FRRS1: variants seen among roughly 807,000 people sequenced by gnomAD.
The protein encoded by FRRS1 is ferric reductase 1.
Under a neutral mutation model 70.7 loss-of-function variants are expected in FRRS1, and 51 were observed. The observed-to-expected ratio is 0.72, with a 90% CI of 0.58 to 0.91. The LOEUF (loss-of-function observed/expected upper bound fraction) is 0.91. FRRS1 is among the 40% of genes least tolerant of loss of function. FRRS1 has a pLI of 0.00. For synonymous variants in FRRS1, 225 were observed against 238.7 expected, an observed-to-expected ratio of 0.94 and a Z score of 0.53; for missense variants, 672 against 726.0, an observed-to-expected ratio of 0.93 and a Z score of 0.86.
At chr1:99,738,041 G>A (rs7513916) in intron 7 of FRRS1, 45 bp downstream of exon 7, 530,214 of 1,485,970 alleles carry the variant, frequency 0.36, 107,199 homozygotes, top group African/African-American at 0.85. Context: ...ATGCCTAGCC[G>A]TGATTCTCCT....
chr1:99,731,922 A>G (rs187678085), intron 7 of FRRS1, among the ~76,000 whole-genome samples: 19 of 152,276 alleles, frequency 1.2e-4, no homozygotes, highest in Admixed American at 1.2e-3. Flanking sequence ...TGCCTCAGCC[A>G]CCCAAAGTGA....
rs187274359 is a variant in FRRS1, at chr1:99,740,761, A to G, written c.576+32T>C. On this transcript the variant is annotated intron_variant, in intron 6 of 16. Coordinates refer to ENST00000646001, the MANE Select transcript of FRRS1 (RefSeq NM_001361041.2). ...GGCCTGGGCAACATGGTGAAACCCC[A>G]TCTCTACAGAGAAAATAAAATTGTT... 1,391 of 1,502,830 alleles carry G rather than the reference A, an allele frequency of 9.3e-4. 6 individuals carry two copies. The highest frequency in any genetic ancestry group is 5.0e-4 in the Non-Finnish European group (543 of 1,079,058). The allele number at this position is 1,502,830 out of a possible 1,614,324, so 93.1% of individuals were successfully genotyped here. A position where few individuals can be genotyped will look rare whatever the true frequency, so the allele number is the denominator to read the frequency against.
chr1:99,761,457 GA>G (rs1657109340), intron 1 of FRRS1, among the ~76,000 whole-genome samples: 1 of 151,986 alleles, frequency 6.6e-6, no homozygotes, highest in African/African-American at 2.4e-5. Flanking sequence ...TCATTTTCTG[GA>G]AAAATGATTG....
intron 9 of FRRS1, among the ~76,000 whole-genome samples, chr1:99,721,865 G>C (rs1016977014): frequency 1.3e-5 from 2 of 151,962 alleles, no homozygotes; most frequent in African/African-American, 4.8e-5. Context: ...CCAAAGTGCT[G>C]GGATAATAGG....
intron 9 of FRRS1, among the ~76,000 whole-genome samples, chr1:99,723,970 A>C (rs1379218020): frequency 6.6e-6 from 1 of 152,222 alleles, no homozygotes; most frequent in Non-Finnish European, 1.5e-5. Context: ...AAAGAAAATG[A>C]TCAAGAAAAC....
At chr1:99,723,450 G>A (rs1256895609) in intron 9 of FRRS1, among the ~76,000 whole-genome samples, 1 of 152,004 alleles carries the variant, frequency 6.6e-6, no homozygotes, top group African/African-American at 2.4e-5. Flanking sequence ...CCAGGAGGTC[G>A]AGCTTCAGTG....
chr1:99,735,744 TAGAG>T (rs1425865984), intron 7 of FRRS1, among the ~76,000 whole-genome samples: 2 of 152,178 alleles, frequency 1.3e-5, no homozygotes, highest in African/African-American at 4.8e-5. Context: ...TATCTTGAAT[TAGAG>T]AGAAATGCTT....
intron 3 of FRRS1, 25 bp downstream of exon 3, chr1:99,748,548 T>C: frequency 6.4e-7 from 1 of 1,568,326 alleles, no homozygotes; most frequent in Non-Finnish European, 8.7e-7. Context: ...ATCCAAAATG[T>C]AAACAGTTAA....
chr1:99,740,406 G>T (rs941291595), intron 6 of FRRS1, among the ~76,000 whole-genome samples: 1 of 152,012 alleles, frequency 6.6e-6, no homozygotes, highest in Admixed American at 6.5e-5. Context: ...ACTCCAAAAC[G>T]TGCTACCACT....
At chr1:99,740,742 G>A in intron 6 of FRRS1, 51 bp downstream of exon 6, 2 of 1,303,428 alleles carry the variant, frequency 1.5e-6, no homozygotes, top group Non-Finnish European at 2.2e-6. Context: ...GACCGGCCTG[G>A]GCAACATGGT....
chr1:99,720,834 A>AACACACACACACAC (rs57397996), intron 9 of FRRS1, among the ~76,000 whole-genome samples: 1 of 137,238 alleles, frequency 7.3e-6, no homozygotes, highest in Non-Finnish European at 1.6e-5. Flanking sequence ...AGCATTTCCT[A>AACACACACACACAC]ACACACACAC....
At chr1:99,741,566 A>C (rs1655963172) in intron 5 of FRRS1, among the ~76,000 whole-genome samples, 1 of 152,240 alleles carries the variant, frequency 6.6e-6, no homozygotes, top group Non-Finnish European at 1.5e-5. Flanking sequence ...ATGTAGGATA[A>C]GGAAGAAGTT....
Position 99,719,576 on chromosome 1 carries a change from T to A in FRRS1, c.1078A>T (p.Asn360Tyr). Residue 360 changes from asparagine (N) to tyrosine (Y), a missense_variant, in exon 10 of 17, where the codon AAC becomes TAC. Coordinates refer to ENST00000646001, the MANE Select transcript of FRRS1 (RefSeq NM_001361041.2). The part of the protein sequence containing the change: ...EKYDVTDSPK[N>Y]IGGSHSVLLL... ...AGTACAGAATGGGATCCTCCTATGT[T>A]CTTTGGAGAGTCTGTCACATCATAT... 6.2e-7 allele frequency: 1 copy of A among 1,610,978 alleles called. No homozygotes were observed. Among genetic ancestry groups the A allele is most frequent in the Non-Finnish European group, 8.5e-7 (1 of 1,177,252 alleles).
chr1:99,729,756 AC>A lies in FRRS1; in HGVS notation c.760-9del. ...ATAAGCATCATCATCACCCTGAAAA[AC>A]AATTGCAAATGAGAAAAAAAGCTCA... On this transcript the variant is annotated splice_polypyrimidine_tract_variant and intron_variant, in intron 7 of 16. Transcript: ENST00000646001. 1 of 1,572,668 alleles carries A rather than the reference AC, an allele frequency of 6.4e-7. No individual in the cohort carries two copies. The highest frequency in any genetic ancestry group is 1.1e-5 in the South Asian group (1 of 88,380).
At chr1:99,758,940 C>T (rs1656983026) in intron 1 of FRRS1, among the ~76,000 whole-genome samples, 1 of 152,122 alleles carries the variant, frequency 6.6e-6, no homozygotes, top group Admixed American at 6.6e-5. Context: ...GCAGTACCCT[C>T]AGAATTACTA....
rs1654114026 is a variant in FRRS1 at position 99,708,616 on chromosome 1, AAAAAAAAAAATATATATATATATATATAT to A, written c.*383_*411del. 1 of 93,742 alleles carries A rather than the reference AAAAAAAAAAATATATATATATATATATAT, an allele frequency of 1.1e-5. No homozygotes were observed. The highest frequency in any genetic ancestry group is 4.8e-5 in the African/African-American group (1 of 20,770). The allele number at this position is 93,742 out of a possible 1,614,324, so 5.8% of individuals were successfully genotyped here. ...CTGTCTCAAAAAAAAAAAAAAAAAA[AAAAAAAAAAATATATATATATATATATAT>A]ATATATATATATATATATCGTAATA... On this transcript the variant is annotated 3_prime_UTR_variant, in exon 17 of 17. Coordinates refer to ENST00000646001, the MANE Select transcript of FRRS1 (RefSeq NM_001361041.2).
At chr1:99,760,216 T>A (rs1657047267) in intron 1 of FRRS1, among the ~76,000 whole-genome samples, 1 of 152,258 alleles carries the variant, frequency 6.6e-6, no homozygotes, top group Non-Finnish European at 1.5e-5. Context: ...CACTATTAAC[T>A]TTCCATCTCC....
At chr1:99,710,202 A>G (rs12135762) in intron 15 of FRRS1, among the ~76,000 whole-genome samples, 20,088 of 152,036 alleles carry the variant, frequency 0.13, 2,839 homozygotes, top group African/African-American at 0.36. Flanking sequence ...CAGGCAGGAC[A>G]CAAAGGACAT....
chr1:99,729,885 C>A, intron 7 of FRRS1, 137 bp from the exon 8 acceptor site: 1 of 609,480 alleles, frequency 1.6e-6, no homozygotes, highest in Non-Finnish European at 3.0e-6. Flanking sequence ...ATGAATGATG[C>A]TATGAATTCT....
Sources: allele counts gnomAD v4.1 joint callset (sites outside exome capture counted in the v4.1 genomes callset), GRCh38; gene constraint gnomAD v4.1.1; transcripts MANE v1.5; gene names NCBI Gene and HGNC (gene_info 2026-07-23, HGNC 2026-07-21).